The following DOP1B variants were observed in gnomAD, a reference collection of about 807,000 sequenced individuals.
DOP1B encodes protein DOP1B.
In DOP1B, 174 loss-of-function variants were observed where a neutral mutation model predicts 233.5. The observed-to-expected ratio is 0.75, with a 90% confidence interval of 0.66 to 0.85. DOP1B has a LOEUF of 0.85. Ranked by LOEUF, DOP1B falls within the 40% of genes least tolerant of loss-of-function variation. The pLI is 0.00. For missense variants in DOP1B, 2,652 were observed against 2,846.6 expected (o/e 0.93, Z 1.56); for synonymous variants, 1,190 against 1,185.6 (o/e 1.00, Z -0.08).
Position 36,232,997 on chromosome 21 carries a change from C to T in DOP1B, c.2544C>T (p.Gly848=), listed in dbSNP as rs2066785217. The T allele has an allele frequency of 6.2e-7, 1 of 1,613,908 alleles. No homozygotes were observed. The highest frequency in any genetic ancestry group is 1.1e-5 in the South Asian group (1 of 91,078). The part of the protein sequence containing the change: ...YKSSGHNPFF[G]KLQMVTVPPI... ...GCTCTGGACACAACCCTTTTTTTGG[C>T]AAGCTGCAGATGGTGACGGTTCCTC... Residue 848 remains glycine (G), a synonymous_variant, in exon 15 of 37, where the codon GGC becomes GGT. Transcript: ENST00000691173.
At chr21:36,215,055 T>A (rs1397953925) in intron 9 of DOP1B, among the ~76,000 whole-genome samples, 2 of 152,184 alleles carry the variant, frequency 1.3e-5, no homozygotes, top group African/African-American at 4.8e-5. Context: ...AAAAAAGTTT[T>A]GCACAATAAT....
intron 26 of DOP1B, among the ~76,000 whole-genome samples, chr21:36,269,243 C>T (rs1859819082): frequency 6.6e-6 from 1 of 151,720 alleles, no homozygotes; most frequent in South Asian, 2.1e-4. Flanking sequence ...GCAACCTCCA[C>T]CTCCCGGGTT....
chr21:36,205,326 G>C (rs527987628), intron 4 of DOP1B, among the ~76,000 whole-genome samples: 6 of 152,226 alleles, frequency 3.9e-5, no homozygotes, highest in African/African-American at 1.4e-4. Context: ...AGTTAGGAAG[G>C]ATGGAAATAC....
chr21:36,162,078 A>G lies in DOP1B; in HGVS notation c.-26-2630A>G, dbSNP rs532989973. ...TTATAAGTGACAGTAGTGTATTCCT[A>G]TAGTTCTGGAGGCTGAGAAGTTCAA... On this transcript the variant is annotated intron_variant, in intron 1 of 36. Coordinates refer to ENST00000691173, the MANE Select transcript of DOP1B (RefSeq NM_001320714.2). Among the ~76,000 whole-genome samples the G allele has an allele frequency of 4.6e-5, 7 of 152,346 alleles. No homozygotes were observed. In the East Asian group the frequency reaches 1.3e-3, roughly 29 times the overall value.
intron 1 of DOP1B, among the ~76,000 whole-genome samples, chr21:36,157,796 A>G (rs571325666): frequency 6.6e-6 from 1 of 152,258 alleles, no homozygotes; most frequent in Non-Finnish European, 1.5e-5. Context: ...CTAATAGTAC[A>G]TATCTGTTAT....
At chr21:36,258,418 T>A (rs1255557804) in intron 23 of DOP1B, among the ~76,000 whole-genome samples, 2 of 151,902 alleles carry the variant, frequency 1.3e-5, no homozygotes, top group Non-Finnish European at 2.9e-5. Context: ...AGAAAGACTT[T>A]TTTTTTTTTT....
At chr21:36,236,982 G>T (rs1326844182) in intron 15 of DOP1B, among the ~76,000 whole-genome samples, 1 of 151,874 alleles carries the variant, frequency 6.6e-6, no homozygotes, top group Admixed American at 6.6e-5. Context: ...TTGGGGTTTT[G>T]CCATGTTGAC....
chr21:36,172,887 G>A (rs1450502205), intron 2 of DOP1B, among the ~76,000 whole-genome samples: 2 of 152,204 alleles, frequency 1.3e-5, no homozygotes, highest in Non-Finnish European at 2.9e-5. Flanking sequence ...GGGAGGCTGA[G>A]GCAGGTGGAT....
rs558220167 is a variant in DOP1B, at chr21:36,160,454, TGTTTG to T, written c.-27+3515_-27+3519del. 2.0e-3 allele frequency among the ~76,000 whole-genome samples: 298 copies of T among 150,528 alleles called. 1 individual carries two copies. The highest frequency in any genetic ancestry group is 6.6e-3 in the African/African-American group (271 of 40,840). The stretch of plus-strand genomic sequence containing the variant: ...GAGTCTTGTAAGCTGGAAAAGGGGT[TGTTTG>T]GTTCTATTTTAAGTTTTCTTTTTTT... On this transcript the variant is annotated intron_variant, in intron 1 of 36. Transcript: ENST00000691173.
chr21:36,277,193 C>T (rs1426924215), intron 28 of DOP1B, 93 bp downstream of exon 28: 10 of 1,298,068 alleles, frequency 7.7e-6, no homozygotes, highest in African/African-American at 2.9e-5. Flanking sequence ...TGCCAGTGAG[C>T]GTGGGCCGCA....
Position 36,289,167 on chromosome 21 carries a change from C to T in DOP1B, c.6476C>T (p.Ala2159Val), listed in dbSNP as rs764993253. The T allele has an allele frequency of 8.7e-6, 14 of 1,613,820 alleles. No individual in the cohort carries two copies. Among genetic ancestry groups the T allele is most frequent in the South Asian group, 3.3e-5 (3 of 91,040 alleles). The change falls in exon 35 of 37, where the codon GCG becomes GTG. Residue 2159 changes from alanine (A) to valine (V), a missense_variant. This residue lies in a region of DOP1B where 2,617 missense variants were observed against 2,794.3 expected (regional missense o/e 0.94). Transcript: ENST00000691173. ...TCAGCTTGCAAATTCTTGGACACAG[C>T]GCTTTCTTTTCCACCTGACAAGATG... ...YLSACKFLDT[A>V]LSFPPDKMPL...
At chr21:36,247,785 C>T (rs865784982) in intron 20 of DOP1B, among the ~76,000 whole-genome samples, 157 bp downstream of exon 20, 1 of 152,258 alleles carries the variant, frequency 6.6e-6, no homozygotes, top group African/African-American at 2.4e-5. Flanking sequence ...ACATAAGTCA[C>T]GTACACACGT....
chr21:36,195,565 A>G (rs573562296), intron 2 of DOP1B, among the ~76,000 whole-genome samples: 4 of 152,264 alleles, frequency 2.6e-5, no homozygotes, highest in Non-Finnish European at 4.4e-5. Flanking sequence ...CATGGTCAAC[A>G]TACAGTGAAC....
chr21:36,208,727 G>A lies in DOP1B; in HGVS notation c.504G>A (p.Leu168=). Residue 168 remains leucine (L), a synonymous_variant, in exon 5 of 37, where the codon CTG becomes CTA. Transcript: ENST00000691173. ...CTCTCATCAACAGAACGGATGCTCT[G>A]CTCCTGAGACTGTCGCTGGTGGTTG... ...GSEISDRTDA[L]LLRLSLVVGK... 1 of 1,613,396 alleles carries A rather than the reference G, an allele frequency of 6.2e-7. No individual in the cohort carries two copies. Among genetic ancestry groups the A allele is most frequent in the East Asian group, 2.2e-5 (1 of 44,744 alleles).
intron 21 of DOP1B, 112 bp from the exon 22 acceptor site, chr21:36,251,050 A>G: frequency 1.4e-6 from 2 of 1,417,558 alleles, no homozygotes; most frequent in South Asian, 1.5e-5. Context: ...AACATTGGGC[A>G]CAAACATGAC....
At chr21:36,240,383 G>C (rs931671204) in intron 18 of DOP1B, among the ~76,000 whole-genome samples, 1 of 152,162 alleles carries the variant, frequency 6.6e-6, no homozygotes, top group Non-Finnish European at 1.5e-5. Flanking sequence ...AGGAGGCTGA[G>C]GCAGGAGAAT....
chr21:36,220,682 T>G (rs144932889), intron 10 of DOP1B, among the ~76,000 whole-genome samples: 3,143 of 151,272 alleles, frequency 0.021, 91 homozygotes, highest in African/African-American at 0.068. Context: ...TTTTTTTTTT[T>G]TTTGTGGAGA....
At chr21:36,179,743 G>T (rs1368097084) in intron 2 of DOP1B, among the ~76,000 whole-genome samples, 1 of 152,210 alleles carries the variant, frequency 6.6e-6, no homozygotes, top group African/African-American at 2.4e-5. Context: ...TTGTGTGTGT[G>T]TGAGAGAAAG....
intron 20 of DOP1B, 89 bp downstream of exon 20, chr21:36,247,717 A>G: frequency 1.1e-6 from 1 of 946,550 alleles, no homozygotes; most frequent in African/African-American, 1.7e-5. Flanking sequence ...TAACGTATGT[A>G]TGTAATGTCT....
Sources: gnomAD v4.1 joint callset for allele counts (sites outside exome capture counted in the v4.1 genomes callset) on GRCh38, gnomAD v4.1.1 for gene constraint, gnomAD v4.1.1 regional missense constraint, MANE v1.5 for transcripts, NCBI Gene and HGNC (gene_info 2026-07-23, HGNC 2026-07-21) for gene names.